The following ZNF277 variants were observed in gnomAD, a reference collection of about 807,000 sequenced individuals.
The protein encoded by ZNF277 is nuclear receptor-interacting factor 4.
Under a neutral mutation model 60.7 loss-of-function variants are expected in ZNF277, and 55 were observed. The observed-to-expected ratio is 0.91, with a 90% CI of 0.73 to 1.13. The LOEUF (loss-of-function observed/expected upper bound fraction) is 1.13, where lower values mean the gene tolerates loss of function less well. ZNF277 is among the 50% of genes most tolerant of loss of function. The pLI, the probability that ZNF277 is intolerant of heterozygous loss-of-function variation, is 0.00. For missense variants in ZNF277, 510 were observed against 523.0 expected (o/e 0.98, Z 0.24); for synonymous variants, 178 against 179.3 (o/e 0.99, Z 0.06).
intron 4 of ZNF277, among the ~76,000 whole-genome samples, chr7:112,312,615 G>C (rs770090297): frequency 6.6e-6 from 1 of 152,074 alleles, no homozygotes; most frequent in Non-Finnish European, 1.5e-5. Flanking sequence ...CATGTGAAGA[G>C]AGAGAAAGAA....
chr7:112,220,526 C>A (rs990430287), intron 1 of ZNF277, among the ~76,000 whole-genome samples: 1 of 152,164 alleles, frequency 6.6e-6, no homozygotes, highest in African/African-American at 2.4e-5. Context: ...TCTAACTGTT[C>A]TGGCCAGGGC....
chr7:112,287,286 G>C, intron 2 of ZNF277: 8 of 555,998 alleles, frequency 1.4e-5, no homozygotes, highest in Non-Finnish European at 2.2e-5. Flanking sequence ...GAGGCAGGAG[G>C]GCTGCTTGCA....
At chr7:112,210,509 T>C (rs1326806645) in intron 1 of ZNF277, among the ~76,000 whole-genome samples, 1 of 150,950 alleles carries the variant, frequency 6.6e-6, no homozygotes, top group African/African-American at 2.4e-5. Flanking sequence ...TCCTGCTCTG[T>C]AACCCAAGCT....
chr7:112,291,077 C>T (rs1792196281), intron 2 of ZNF277, among the ~76,000 whole-genome samples: 2 of 152,062 alleles, frequency 1.3e-5, no homozygotes, highest in Non-Finnish European at 2.9e-5. Context: ...CTAAAACTTC[C>T]TGGGGCAGGA....
intron 9 of ZNF277, among the ~76,000 whole-genome samples, chr7:112,338,569 C>T (rs1362741004): frequency 6.6e-6 from 1 of 152,120 alleles, no homozygotes; most frequent in East Asian, 1.9e-4. Flanking sequence ...AATAGTGGAC[C>T]ATATTCTCTA....
chr7:112,220,080 G>A (rs1046289852), intron 1 of ZNF277, among the ~76,000 whole-genome samples: 3 of 152,116 alleles, frequency 2.0e-5, no homozygotes, highest in South Asian at 2.1e-4. Context: ...TGTTTATTCT[G>A]TTTCTGTGAA....
rs76272652 is a variant in ZNF277 at position 112,232,398 on chromosome 7, A to G, written c.91+25591A>G. ...ACTTCATGTGGTTTATGTCCTCTCC[A>G]GTACCTGTTCTGAGTTGATGGTATA... On this transcript the variant is annotated intron_variant, in intron 1 of 11. Coordinates refer to ENST00000361822, the MANE Select transcript of ZNF277 (RefSeq NM_021994.3). 7.6e-3 allele frequency among the ~76,000 whole-genome samples: 1,150 copies of G among 152,268 alleles called. 6 individuals are homozygous for G. Among genetic ancestry groups the G allele is most frequent in the Non-Finnish European group, 0.012 (818 of 68,004 alleles).
intron 1 of ZNF277, among the ~76,000 whole-genome samples, chr7:112,238,273 T>C (rs925189245): frequency 2.0e-5 from 3 of 152,168 alleles, no homozygotes; most frequent in African/African-American, 7.2e-5. Flanking sequence ...TTGTGGGGCA[T>C]TGCATTGGAG....
intron 1 of ZNF277, among the ~76,000 whole-genome samples, chr7:112,211,091 A>AT (rs1409051205): frequency 2.6e-5 from 4 of 152,144 alleles, no homozygotes; most frequent in Admixed American, 2.0e-4. Context: ...TAATGCTTGG[A>AT]TTCTGGACCT....
intron 9 of ZNF277, 41 bp downstream of exon 9, chr7:112,337,867 C>A: frequency 6.6e-7 from 1 of 1,521,648 alleles, no homozygotes; most frequent in Non-Finnish European, 9.0e-7. Context: ...TTTATTCTGA[C>A]AGGGGAAAGC....
At chr7:112,321,863 G>A (rs1473042237) in intron 5 of ZNF277, among the ~76,000 whole-genome samples, 1 of 152,058 alleles carries the variant, frequency 6.6e-6, no homozygotes, top group African/African-American at 2.4e-5. Context: ...AGGACTGCCT[G>A]CCTGTATGTA....
chr7:112,221,337 GA>G (rs1023726187), intron 1 of ZNF277, among the ~76,000 whole-genome samples: 12 of 152,194 alleles, frequency 7.9e-5, no homozygotes, highest in African/African-American at 2.9e-4. Flanking sequence ...ACCCAGGTCA[GA>G]AAACAAGAGG....
chr7:112,267,785 T>A (rs1464729943), intron 1 of ZNF277, among the ~76,000 whole-genome samples: 2 of 152,134 alleles, frequency 1.3e-5, no homozygotes, highest in Non-Finnish European at 2.9e-5. Flanking sequence ...AGTATTGATA[T>A]TTCCTTTTTC....
chr7:112,310,478 A>AGAGAGAGAGAGAGAGAGAGAGG (rs762824873), intron 4 of ZNF277, among the ~76,000 whole-genome samples: 1 of 125,512 alleles, frequency 8.0e-6, no homozygotes, highest in African/African-American at 3.9e-5. Flanking sequence ...AGAGAGAGAG[A>AGAGAGAGAGAGAGAGAGAGAGG]GTGTGTGTGT....
intron 4 of ZNF277, among the ~76,000 whole-genome samples, chr7:112,310,812 C>T (rs2117100414): frequency 6.6e-6 from 1 of 152,146 alleles, no homozygotes; most frequent in East Asian, 1.9e-4. Context: ...CTGGTTCTGC[C>T]ATGCTGCTGC....
intron 4 of ZNF277, among the ~76,000 whole-genome samples, chr7:112,313,282 ATTT>A (rs58333831): frequency 9.6e-5 from 14 of 145,844 alleles, no homozygotes; most frequent in Admixed American, 7.6e-4. Flanking sequence ...ATGTTTTAAA[ATTT>A]TTTTTTTTTT....
At chr7:112,229,462 A>G (rs1482558180) in intron 1 of ZNF277, among the ~76,000 whole-genome samples, 2 of 152,250 alleles carry the variant, frequency 1.3e-5, no homozygotes, top group Non-Finnish European at 2.9e-5. Flanking sequence ...TGCATCTCAT[A>G]ACCAACTTAT....
At chr7:112,301,184 G>A (rs552297939) in intron 4 of ZNF277, among the ~76,000 whole-genome samples, 21 of 151,810 alleles carry the variant, frequency 1.4e-4, no homozygotes, top group East Asian at 1.2e-3. Context: ...TGATCCTTTC[G>A]TAGCGATGGG....
intron 2 of ZNF277, among the ~76,000 whole-genome samples, chr7:112,291,114 T>G (rs1792197591): frequency 6.6e-6 from 1 of 152,148 alleles, no homozygotes; most frequent in Non-Finnish European, 1.5e-5. Context: ...TAAAAATCTT[T>G]CCATTGAGTC....
Sources: gnomAD v4.1 joint callset for allele counts (sites outside exome capture counted in the v4.1 genomes callset) on GRCh38, gnomAD v4.1.1 for gene constraint, MANE v1.5 for transcripts, NCBI Gene and HGNC (gene_info 2026-07-23, HGNC 2026-07-21) for gene names.